The following PATZ1 variants were observed in gnomAD, a reference collection of about 807,000 sequenced individuals.
PATZ1 encodes the protein POZ/BTB and AT hook containing zinc finger 1, also known as POZ-, AT hook-, and zinc finger-containing protein 1.
Under a neutral mutation model 46.2 loss-of-function variants are expected in PATZ1, and 9 were observed. The observed-to-expected ratio is 0.19, with a 90% CI of 0.12 to 0.34. The LOEUF (loss-of-function observed/expected upper bound fraction) is 0.34, where lower values mean the gene tolerates loss of function less well. Among genes scored for constraint, PATZ1 ranks in the 10% least tolerant of loss-of-function variants. PATZ1 has a pLI of 1.00. For missense variants in PATZ1, 632 were observed against 923.0 expected (o/e 0.68, Z 4.08); for synonymous variants, 426 against 378.6 (o/e 1.13, Z -1.45).
At chr22:31,341,839 G>A (rs2049587207) in intron 2 of PATZ1, among the ~76,000 whole-genome samples, 1 of 152,196 alleles carries the variant, frequency 6.6e-6, no homozygotes, top group African/African-American at 2.4e-5. Context: ...AGAGAGAGAA[G>A]GCAGCAAGGC....
chr22:31,339,590 G>A (rs556322598), intron 2 of PATZ1, among the ~76,000 whole-genome samples: 4 of 152,352 alleles, frequency 2.6e-5, no homozygotes, highest in African/African-American at 7.2e-5. Context: ...ACAGAGGGAC[G>A]CTGATGGGAA....
intron 2 of PATZ1, among the ~76,000 whole-genome samples, chr22:31,337,134 G>A (rs1041350729): frequency 6.6e-6 from 1 of 152,096 alleles, no homozygotes; most frequent in African/African-American, 2.4e-5. Flanking sequence ...TTTGTGAAAC[G>A]TTAAGCTGGG....
chr22:31,339,787 A>G, intron 2 of PATZ1, among the ~76,000 whole-genome samples: 1 of 152,156 alleles, frequency 6.6e-6, no homozygotes, highest in East Asian at 1.9e-4. Flanking sequence ...CTCCCTTCCC[A>G]GACTTCCTAA....
rs186621420 is a variant in PATZ1, at chr22:31,336,847, C to A, written c.1336-984G>T. 3.0e-3 allele frequency among the ~76,000 whole-genome samples: 446 copies of A among 148,382 alleles called. 5 individuals are homozygous for A. The highest frequency in any genetic ancestry group is 5.0e-3 in the Non-Finnish European group (333 of 67,266). The stretch of plus-strand genomic sequence containing the variant: ...AAAAAAATCCGGGCGCGGTGGCTCA[C>A]ACCTGTAATCCCAGCACTTTGGGAG... On this transcript the variant is annotated intron_variant, in intron 2 of 4. Transcript: ENST00000266269.
rs963924966 is a variant in PATZ1 at position 31,344,730 on chromosome 22, G to T, written c.873C>A (p.Ile291=). ...GSPGGLREAG[I]LPCGLCGKVF... ...CCTTACCACATAGACCGCATGGAAG[G>T]ATGCCTGCCTCCCTCAGGCCCCCTG... Residue 291 remains isoleucine, a synonymous_variant, in exon 1 of 5, where the codon ATC becomes ATA. Coordinates refer to ENST00000266269, the MANE Select transcript of PATZ1 (RefSeq NM_014323.3). 38 of 1,610,876 alleles carry T rather than the reference G, an allele frequency of 2.4e-5. No homozygotes were observed. The highest frequency in any genetic ancestry group is 2.9e-5 in the Non-Finnish European group (34 of 1,177,958).
chr22:31,344,892 C>T lies in PATZ1; in HGVS notation c.711G>A (p.Met237Ile), dbSNP rs139880845. The change falls in exon 1 of 5, where the codon ATG (methionine) becomes ATA (isoleucine). Residue 237 changes from methionine (M) to isoleucine (I), a missense_variant. Physicochemically the swap from Met to Ile is conservative, Grantham distance 10. Transcript: ENST00000266269. ...PVLPGVDRLP[M>I]VAGPLSPQLL... The stretch of plus-strand genomic sequence containing the variant: ...GTTGGGGGGATAGGGGTCCAGCCAC[C>T]ATGGGCAAGCGGTCCACCCCAGGTA... The T allele has an allele frequency of 6.2e-7, 1 of 1,613,124 alleles. No individual in the cohort carries two copies. The highest frequency in any genetic ancestry group is 1.3e-5 in the African/African-American group (1 of 74,948).
At position 31,328,653 on chromosome 22, in the gene PATZ1, C is replaced by A; in HGVS notation, c.1645+134G>T. 1 of 761,042 alleles carries A rather than the reference C, an allele frequency of 1.3e-6. No individual in the cohort carries two copies. Among genetic ancestry groups the A allele is most frequent in the East Asian group, 2.6e-5 (1 of 37,950 alleles). 47.1% of individuals were successfully genotyped at this position (761,042 alleles called of 1,614,324 possible). ...ACTGTGACTTTTGTCCTGGAGGCCA[C>A]TGCCACTCAGATCTCTGAGTCTCCT... On this transcript the variant is annotated intron_variant, in intron 4 of 4. Coordinates refer to ENST00000266269, the MANE Select transcript of PATZ1 (RefSeq NM_014323.3). This position sits in a 1 kb window ranked among gnomAD's most constrained non-coding sequence, Gnocchi z 4.8.
chr22:31,333,319 T>A (rs1212409796), intron 3 of PATZ1, among the ~76,000 whole-genome samples: 1 of 152,208 alleles, frequency 6.6e-6, no homozygotes, highest in Non-Finnish European at 1.5e-5. Context: ...AGCCTTTGTT[T>A]GAACACATGC....
At chr22:31,338,122 G>A (rs2049534553) in intron 2 of PATZ1, 1 of 152,428 alleles carries the variant, frequency 6.6e-6, no homozygotes, top group African/African-American at 2.4e-5. Context: ...TAAAACACAA[G>A]ACTCAGCTAC....
intron 2 of PATZ1, chr22:31,340,647 G>C: frequency 9.9e-7 from 1 of 1,013,700 alleles, no homozygotes; most frequent in Non-Finnish European, 1.2e-6. Context: ...TTATGACACA[G>C]ACCAAGGACA....
Position 31,344,743 on chromosome 22 carries a change from C to G in PATZ1, c.860G>C (p.Arg287Thr). The change falls in exon 1 of 5, where the codon AGG (arginine) becomes ACG (threonine). Residue 287 changes from arginine (R) to threonine (T), a missense_variant. This residue lies in a region of PATZ1 where 279 missense variants were observed against 284.3 expected (regional missense o/e 0.98). Transcript: ENST00000266269. ...ACCGCATGGAAGGATGCCTGCCTCC[C>G]TCAGGCCCCCTGGGGACCCAAACAT... is the stretch of plus-strand genomic sequence containing the variant. The part of the protein sequence containing the change: ...DSMFGSPGGL[R>T]EAGILPCGLC... 5 of 1,610,126 alleles carry G rather than the reference C, an allele frequency of 3.1e-6. No individual in the cohort carries two copies. Among genetic ancestry groups the G allele is most frequent in the Non-Finnish European group, 4.2e-6 (5 of 1,177,598 alleles).
chr22:31,342,735 C>T (rs2049597959), intron 2 of PATZ1, among the ~76,000 whole-genome samples, 162 bp downstream of exon 2: 1 of 152,068 alleles, frequency 6.6e-6, no homozygotes, highest in Non-Finnish European at 1.5e-5. Context: ...GGGGGAAGAA[C>T]AAAGGAGGAG....
At chr22:31,331,655 T>C (rs866332729) in intron 3 of PATZ1, among the ~76,000 whole-genome samples, 4 of 152,310 alleles carry the variant, frequency 2.6e-5, no homozygotes, top group African/African-American at 9.6e-5. Flanking sequence ...CCTTAGTTTT[T>C]TAATCCCTTG....
At position 31,344,571 on chromosome 22, in the gene PATZ1, G is replaced by T. The variant is rs1283555914; in HGVS notation, c.1032C>A (p.Gly344=). Residue 344 remains glycine, a synonymous_variant, in exon 1 of 5, where the codon GGC becomes GGA. Transcript: ENST00000266269. ...NGLPISEDPD[G]PRKRSRTRKQ... The stretch of plus-strand genomic sequence containing the variant: ...TCCTGGTCCGGCTCCTCTTTCGGGG[G>T]CCGTCGGGGTCTTCAGAGATGGGTA... 1 of 1,614,220 alleles carries T rather than the reference G, an allele frequency of 6.2e-7. No homozygotes were observed. The highest frequency in any genetic ancestry group is 1.7e-5 in the Admixed American group (1 of 60,032).
At chr22:31,333,476 CTTT>C (rs71319182) in intron 3 of PATZ1, among the ~76,000 whole-genome samples, 11 of 128,750 alleles carry the variant, frequency 8.5e-5, no homozygotes, top group East Asian at 5.4e-4. Flanking sequence ...TATCCTCTTC[CTTT>C]TTTTTTTTTT....
chr22:31,337,897 A>G (rs2049531232), intron 2 of PATZ1: 1 of 152,206 alleles, frequency 6.6e-6, no homozygotes, highest in African/African-American at 2.4e-5. Context: ...AACGCATGCA[A>G]TGCTGTCAAG....
At chr22:31,342,207 G>T (rs962229961) in intron 2 of PATZ1, among the ~76,000 whole-genome samples, 8 of 152,122 alleles carry the variant, frequency 5.3e-5, no homozygotes, top group African/African-American at 1.9e-4. Context: ...TACCAGCAGG[G>T]CCCCCAGATA....
intron 3 of PATZ1, among the ~76,000 whole-genome samples, chr22:31,332,040 G>A (rs1218011252): frequency 6.6e-6 from 1 of 152,176 alleles, no homozygotes; most frequent in Admixed American, 6.5e-5. Context: ...GAACCAAGGA[G>A]GTGGAGGTTG....
Position 31,327,215 on chromosome 22 carries a change from C to G in PATZ1, c.1740G>C (p.Gln580His), listed in dbSNP as rs1388187133. 6.2e-7 allele frequency: 1 copy of G among 1,614,242 alleles called. No homozygotes were observed. The highest frequency in any genetic ancestry group is 1.3e-5 in the African/African-American group (1 of 75,076). The change falls in exon 5 of 5, where the codon CAG becomes CAC. Residue 580 changes from glutamine (Q) to histidine (H), a missense_variant. Physicochemically the swap from Gln to His is conservative, Grantham distance 24 (BLOSUM62 0). Around this residue, in one of 7 missense-constraint regions of PATZ1, gnomAD observed 176 missense variants for 249.4 expected, o/e 0.71. Transcript: ENST00000266269. The surrounding 1 kb of genome is among the most constrained non-coding windows in gnomAD (Gnocchi z 4.2). ...DASDLKTPEK[Q>H]SANGSFSCDM... The stretch of plus-strand genomic sequence containing the variant: ...CGCAGGAGAAAGAGCCATTGGCACT[C>G]TGCTTCTCTGGCGTCTTCAGGTCGC...
Sources: gnomAD v4.1 joint callset for allele counts (sites outside exome capture counted in the v4.1 genomes callset) on GRCh38, gnomAD v4.1.1 for gene constraint, gnomAD v4.1.1 regional missense constraint, Gnocchi (gnomAD v3.1) non-coding constraint, MANE v1.5 for transcripts, NCBI Gene and HGNC (gene_info 2026-07-23, HGNC 2026-07-21) for gene names.